GSE1: variants seen among roughly 807,000 people sequenced by gnomAD.
The protein encoded by GSE1 is Gse1 coiled-coil protein.
In GSE1, 32 loss-of-function variants were observed where a neutral mutation model predicts 112.6. The ratio of observed to expected loss-of-function variants is 0.28; its 90% CI spans 0.21 to 0.38. The LOEUF is 0.38. Ranked by LOEUF, GSE1 falls within the 10% of genes least tolerant of loss-of-function variation. GSE1 has a pLI of 1.00. For missense variants in GSE1, 2,348 were observed against 1,699.2 expected, an observed-to-expected ratio of 1.38 and a Z score of -6.71; for synonymous variants, 1,115 against 735.6, an observed-to-expected ratio of 1.52 and a Z score of -8.35.
chr16:85,593,902 C>G (rs917632764), intron 1 of GSE1: 2 of 151,580 alleles, frequency 1.3e-5, no homozygotes, highest in African/African-American at 4.8e-5. Context: ...TGCTGCTTCT[C>G]TCTTCTGGGG....
intron 1 of GSE1, among the ~76,000 whole-genome samples, chr16:85,354,002 G>A (rs147924183): frequency 1.3e-5 from 2 of 152,200 alleles, no homozygotes; most frequent in Non-Finnish European, 2.9e-5. Flanking sequence ...CCTTGTGCAG[G>A]TGCCTCCCAC....
intron 1 of GSE1, among the ~76,000 whole-genome samples, chr16:85,274,630 C>A (rs371938196): frequency 6.6e-6 from 1 of 152,200 alleles, no homozygotes; most frequent in Non-Finnish European, 1.5e-5. Context: ...GGATCCCCAG[C>A]CTCCCACGTG....
At chr16:85,269,021 T>C (rs8058273) in intron 1 of GSE1, among the ~76,000 whole-genome samples, 74,941 of 148,282 alleles carry the variant, frequency 0.51, 22,473 homozygotes, top group African/African-American at 0.65. Context: ...CTGTGATGTC[T>C]TCTGAGTCAA....
chr16:85,341,991 G>A (rs1196278966), intron 1 of GSE1, among the ~76,000 whole-genome samples: 1 of 152,084 alleles, frequency 6.6e-6, no homozygotes, highest in Non-Finnish European at 1.5e-5. Context: ...CCGGCAGGTG[G>A]TCTCTCTATC....
intron 1 of GSE1, among the ~76,000 whole-genome samples, chr16:85,569,534 G>A (rs532803921): frequency 6.6e-6 from 1 of 152,348 alleles, no homozygotes; most frequent in South Asian, 2.1e-4. Flanking sequence ...CATTTCAAGA[G>A]CTTAGTGTGG....
chr16:85,177,918 A>G (rs186491460), intron 1 of GSE1, among the ~76,000 whole-genome samples: 2 of 152,144 alleles, frequency 1.3e-5, no homozygotes, highest in African/African-American at 4.8e-5. Flanking sequence ...GTGAGCCTCT[A>G]CCCTCATCCA....
At chr16:85,466,046 C>T (rs2050112173) in intron 2 of GSE1, among the ~76,000 whole-genome samples, 1 of 152,230 alleles carries the variant, frequency 6.6e-6, no homozygotes. Flanking sequence ...AGCCTAAGAG[C>T]TTAGCTTTTC....
intron 2 of GSE1, among the ~76,000 whole-genome samples, chr16:85,519,573 T>C (rs2052092605): frequency 8.4e-6 from 1 of 119,084 alleles, no homozygotes; most frequent in Non-Finnish European, 1.7e-5. Context: ...ATCATCACCA[T>C]CACCAGTCTC....
chr16:85,508,801 T>C (rs1400523528), intron 2 of GSE1, among the ~76,000 whole-genome samples: 1 of 152,202 alleles, frequency 6.6e-6, no homozygotes, highest in Non-Finnish European at 1.5e-5. Flanking sequence ...ACTGGGGTCC[T>C]TGAACTTCAC....
At position 85,409,498 on chromosome 16, in the gene GSE1, G is replaced by A. The variant is rs868423352; in HGVS notation, c.2464+51855G>A. 5.2e-3 allele frequency among the ~76,000 whole-genome samples: 17 copies of A among 3,298 alleles called. 1 individual carries two copies. The highest frequency in any genetic ancestry group is 0.016 in the Non-Finnish European group (3 of 186). The allele number at this position is 3,298 out of a possible 152,430, so 2.2% of individuals were successfully genotyped here. A position where few individuals can be genotyped will look rare whatever the true frequency, so the allele number is the denominator to read the frequency against. On this transcript the variant is annotated intron_variant, in intron 2 of 2. Transcript: ENST00000637419. ...GCCCCCCTGGATAATCCTCACTGTT[G>A]CACTCAGGGCCCCCCGGATAATCCT...
intron 1 of GSE1, among the ~76,000 whole-genome samples, chr16:85,263,039 A>T (rs927225657): frequency 2.0e-5 from 3 of 152,220 alleles, no homozygotes; most frequent in African/African-American, 4.8e-5. Flanking sequence ...GATCCCACAG[A>T]TCGCGGGAGG....
chr16:85,170,785 G>T (rs765882164), exon 1 of GSE1: 105 of 985,450 alleles, frequency 1.1e-4, no homozygotes, highest in Non-Finnish European at 1.2e-4. Context: ...CAGTACCTTG[G>T]TGTGCGCCAG....
intron 1 of GSE1, among the ~76,000 whole-genome samples, chr16:85,177,781 G>C (rs996655877): frequency 1.3e-5 from 2 of 152,104 alleles, no homozygotes; most frequent in African/African-American, 4.8e-5. Context: ...AACGCCATGG[G>C]GTTCTGTCCC....
chr16:85,660,336 C>A (rs1368578381), intron 8 of GSE1, among the ~76,000 whole-genome samples: 1 of 152,218 alleles, frequency 6.6e-6, no homozygotes, highest in Non-Finnish European at 1.5e-5. Context: ...CCTGCACACA[C>A]CTGCCGCAGG....
intron 1 of GSE1, among the ~76,000 whole-genome samples, chr16:85,288,038 G>A (rs1174985247): frequency 6.6e-6 from 1 of 152,174 alleles, no homozygotes; most frequent in Non-Finnish European, 1.5e-5. Context: ...TTAGGAGTTC[G>A]AGACCAGCCT....
chr16:85,438,031 G>A (rs971750808), intron 2 of GSE1, among the ~76,000 whole-genome samples: 7 of 152,118 alleles, frequency 4.6e-5, no homozygotes, highest in Admixed American at 2.0e-4. Context: ...TTCCGTGTCC[G>A]AAGCTCTTCC....
chr16:85,553,053 T>TC (rs1304395998), upstream of GSE1, among the ~76,000 whole-genome samples: 1 of 151,986 alleles, frequency 6.6e-6, no homozygotes, highest in Non-Finnish European at 1.5e-5. Flanking sequence ...AGTTTTCTTT[T>TC]TTTTTTCCCC....
In GSE1 at chr16:85,419,687, C is replaced by T. The variant is rs984795421; in HGVS notation, c.2464+62044C>T. Reference sequence around the variant, plus strand: ...GCCTTTCTCATGCCTCGGGTGCAGTCGTGTGCAACGGTGAATGCACGTTGG... The same window carrying T: ...GCCTTTCTCATGCCTCGGGTGCAGTTGTGTGCAACGGTGAATGCACGTTGG... On this transcript the variant is annotated intron_variant, in intron 2 of 2. Coordinates refer to the GSE1 transcript ENST00000637419. This position sits in a 1 kb window ranked among gnomAD's most constrained non-coding sequence, Gnocchi z 6.5. Among the ~76,000 whole-genome samples the T allele has an allele frequency of 7.9e-5, 12 of 152,232 alleles. No individual in the cohort carries two copies. The highest frequency in any genetic ancestry group is 1.2e-4 in the African/African-American group (5 of 41,540).
At chr16:85,308,792 A>AG (rs773535442) in intron 1 of GSE1, among the ~76,000 whole-genome samples, 4 of 151,128 alleles carry the variant, frequency 2.6e-5, no homozygotes, top group Non-Finnish European at 4.4e-5. Context: ...GCCATTTTGG[A>AG]GAGACCAGGT....
Sources: gnomAD v4.1 joint callset for allele counts (sites outside exome capture counted in the v4.1 genomes callset) on GRCh38, gnomAD v4.1.1 for gene constraint, Gnocchi (gnomAD v3.1) non-coding constraint, MANE v1.5 for transcripts, NCBI Gene and HGNC (gene_info 2026-07-23, HGNC 2026-07-21) for gene names.